ROBO2: variants seen among roughly 807,000 people sequenced by gnomAD.
The protein encoded by ROBO2 is roundabout homolog 2.
A neutral mutation model predicts 160.8 loss-of-function variants in ROBO2; 53 were observed. That is an observed-to-expected ratio of 0.33 (90% CI 0.26 to 0.41). The LOEUF (loss-of-function observed/expected upper bound fraction) is 0.41. Ranked by LOEUF, ROBO2 falls within the 10% of genes least tolerant of loss-of-function variation. The probability of loss-of-function intolerance (pLI) is 1.00; values close to 1 mark genes in which losing one functional copy is unlikely to be tolerated. For missense variants in ROBO2, 1,577 were observed against 1,722.4 expected (o/e 0.92, Z 1.49); for synonymous variants, 664 against 611.7 (o/e 1.09, Z -1.26).
intron 9 of ROBO2, among the ~76,000 whole-genome samples, chr3:77,558,498 G>A (rs566745869): frequency 4.6e-5 from 7 of 152,120 alleles, no homozygotes; most frequent in South Asian, 2.1e-4. Context: ...ACTTTCATTC[G>A]CAAAAGAAAT....
chr3:75,931,577 C>T (rs1417106994), intron 1 of ROBO2, among the ~76,000 whole-genome samples: 2 of 152,102 alleles, frequency 1.3e-5, no homozygotes, highest in Non-Finnish European at 2.9e-5. Context: ...GTCTTAAACT[C>T]CTGGACTCAA....
chr3:75,907,518 T>A (rs1946399179), intron 1 of ROBO2, among the ~76,000 whole-genome samples: 1 of 152,142 alleles, frequency 6.6e-6, no homozygotes, highest in African/African-American at 2.4e-5. Flanking sequence ...CTTCAGGCTC[T>A]CTAGACAGCC....
chr3:77,602,522 A>T, intron 20 of ROBO2, 31 bp downstream of exon 21: 1 of 1,611,108 alleles, frequency 6.2e-7, no homozygotes, highest in South Asian at 1.1e-5. Flanking sequence ...CTGAGGAGGT[A>T]TTTTCATATC....
intron 2 of ROBO2, among the ~76,000 whole-genome samples, chr3:76,409,436 G>C (rs952028144): frequency 1.6e-4 from 24 of 151,894 alleles, no homozygotes; most frequent in African/African-American, 4.8e-4. Context: ...TTCCAAAATG[G>C]CTCCCTCATA....
chr3:76,088,843 G>A (rs1341300571), intron 2 of ROBO2, among the ~76,000 whole-genome samples: 1 of 151,770 alleles, frequency 6.6e-6, no homozygotes, highest in Non-Finnish European at 1.5e-5. Flanking sequence ...AGTAGGCAGA[G>A]AAAAGAAATA....
chr3:76,666,239 T>G (rs1269284227), intron 2 of ROBO2, among the ~76,000 whole-genome samples: 2 of 151,800 alleles, frequency 1.3e-5, no homozygotes, highest in East Asian at 3.9e-4. Context: ...TTCTTGTGCT[T>G]AGCACATAAC....
intron 2 of ROBO2, among the ~76,000 whole-genome samples, chr3:76,059,572 A>T (rs139877081): frequency 0.029 from 4,415 of 152,010 alleles, 169 homozygotes; most frequent in East Asian, 0.23. Context: ...ATGAGTAGGT[A>T]GCAAAAATTT....
intron 2 of ROBO2, among the ~76,000 whole-genome samples, chr3:76,283,056 T>A (rs1708314335): frequency 7.1e-6 from 1 of 141,514 alleles, no homozygotes; most frequent in Non-Finnish European, 1.5e-5. Context: ...CCAAGTTGTT[T>A]CATTACAAGT....
chr3:77,141,932 A>G (rs555951825), intron 2 of ROBO2, among the ~76,000 whole-genome samples: 2 of 152,326 alleles, frequency 1.3e-5, no homozygotes, highest in African/African-American at 4.8e-5. Flanking sequence ...ATAAACTGGC[A>G]AATTATTCCG....
rs540377317 is a variant in ROBO2, at chr3:75,918,271, C to T, written c.-14+11311C>T. Among the ~76,000 whole-genome samples, 175 of 152,280 alleles carry T rather than the reference C, an allele frequency of 1.1e-3. 2 individuals carry two copies. The highest frequency in any genetic ancestry group is 3.9e-3 in the African/African-American group (161 of 41,552). On this transcript the variant is annotated intron_variant, in intron 1 of 26. Coordinates refer to the ROBO2 transcript ENST00000487694. ...GCATATGGCTAGCCAGTTTTCCCAG[C>T]GCCATTTATTAAATAGGGAATCCTT...
chr3:76,342,949 T>C (rs2074317483), intron 2 of ROBO2, among the ~76,000 whole-genome samples: 1 of 152,118 alleles, frequency 6.6e-6, no homozygotes, highest in African/African-American at 2.4e-5. Context: ...AAATTGATTA[T>C]TATATAGTTA....
intron 2 of ROBO2, among the ~76,000 whole-genome samples, chr3:76,567,654 C>CACAT (rs1553805766): frequency 0.013 from 555 of 41,644 alleles, 17 homozygotes; most frequent in African/African-American, 0.042. Flanking sequence ...TATATATATA[C>CACAT]ACATACACAT....
chr3:76,735,841 C>T (rs1037780069), intron 2 of ROBO2, among the ~76,000 whole-genome samples: 2 of 150,660 alleles, frequency 1.3e-5, no homozygotes, highest in Non-Finnish European at 3.0e-5. Context: ...GAGTACTATG[C>T]TCACTGTCTT....
At chr3:75,958,724 T>A (rs1276934425) in intron 2 of ROBO2, among the ~76,000 whole-genome samples, 1 of 151,706 alleles carries the variant, frequency 6.6e-6, no homozygotes, top group Non-Finnish European at 1.5e-5. Context: ...AGAAAGGCAA[T>A]GATATATGTT....
chr3:75,996,940 A>G (rs1413823579), intron 2 of ROBO2, among the ~76,000 whole-genome samples: 1 of 152,186 alleles, frequency 6.6e-6, no homozygotes, highest in Admixed American at 6.5e-5. Context: ...TTATTAAGTA[A>G]TAGCTGCATT....
At chr3:76,693,062 T>C (rs2092841264) in intron 2 of ROBO2, among the ~76,000 whole-genome samples, 1 of 149,612 alleles carries the variant, frequency 6.7e-6, no homozygotes, top group South Asian at 2.1e-4. Flanking sequence ...ATATATAGTG[T>C]GTATCTATAT....
At chr3:76,514,041 T>C (rs554733849) in intron 2 of ROBO2, among the ~76,000 whole-genome samples, 2 of 152,326 alleles carry the variant, frequency 1.3e-5, no homozygotes, top group South Asian at 2.1e-4. Flanking sequence ...AGTGTCTTCA[T>C]TGCGTATTGT....
chr3:77,618,092 C>A, intron 22 of ROBO2: 2 of 350,738 alleles, frequency 5.7e-6, no homozygotes, highest in Non-Finnish European at 5.3e-6. Flanking sequence ...ACACCAGAAT[C>A]TTTTCTAATT....
At chr3:77,309,702 C>T (rs1207105872) in intron 2 of ROBO2, among the ~76,000 whole-genome samples, 1 of 152,206 alleles carries the variant, frequency 6.6e-6, no homozygotes, top group African/African-American at 2.4e-5. Flanking sequence ...AAAGGCAAAA[C>T]ATCATCCTTC....
Sources: allele counts gnomAD v4.1 joint callset (sites outside exome capture counted in the v4.1 genomes callset), GRCh38; gene constraint gnomAD v4.1.1; transcripts MANE v1.5; gene names NCBI Gene and HGNC (gene_info 2026-07-23, HGNC 2026-07-21).